JAK2: variants seen among roughly 807,000 people sequenced by gnomAD.
JAK2 encodes the protein Janus kinase 2.
Under a neutral mutation model 139.3 loss-of-function variants are expected in JAK2, and 86 were observed. The observed-to-expected ratio is 0.62, with a 90% CI of 0.52 to 0.74. The LOEUF (loss-of-function observed/expected upper bound fraction) is 0.74, where lower values mean the gene tolerates loss of function less well. Ranked by LOEUF, JAK2 falls within the 30% of genes least tolerant of loss-of-function variation. The probability of loss-of-function intolerance (pLI) is 0.00; values close to 1 mark genes in which losing one functional copy is unlikely to be tolerated. For synonymous variants in JAK2, 490 were observed against 437.7 expected, an observed-to-expected ratio of 1.12 and a Z score of -1.49; for missense variants, 1,421 against 1,360.3, an observed-to-expected ratio of 1.04 and a Z score of -0.70.
chr9:5,028,915 C>T (rs866350407), intron 3 of JAK2, among the ~76,000 whole-genome samples: 13 of 152,204 alleles, frequency 8.5e-5, no homozygotes, highest in African/African-American at 2.9e-4. Flanking sequence ...ACTTTTGTCA[C>T]ATCATCAATA....
Position 5,078,284 on chromosome 9 carries a change from T to C in JAK2, c.1993-22T>C, listed in dbSNP as rs115419882. ...GTACTTGTGGACTGATATTTGAATA[T>C]ATGTGCGTTTAACTCTAATAGGAAG... On this transcript the variant is annotated intron_variant, in intron 15 of 24. Coordinates refer to ENST00000381652, the MANE Select transcript of JAK2 (RefSeq NM_004972.4). The C allele has an allele frequency of 5.7e-5, 91 of 1,601,882 alleles. No homozygotes were observed. The African/African-American group carries it at 1.1e-3, about 19-fold the overall frequency.
Position 5,080,400 on chromosome 9 carries a change from G to C in JAK2, c.2283+20G>C. On this transcript the variant is annotated intron_variant, in intron 17 of 24. Transcript: ENST00000381652. ...CAAAGAGTAAGTTTATATAGACTAAGTTAGAATTACTCTATCTCTGAACTT... is the reference window on the plus strand; with the variant it reads ...CAAAGAGTAAGTTTATATAGACTAACTTAGAATTACTCTATCTCTGAACTT... The C allele has an allele frequency of 1.3e-6, 2 of 1,585,838 alleles. No homozygotes were observed. The highest frequency in any genetic ancestry group is 2.3e-5 in the South Asian group (2 of 86,978).
rs1274751594 is a variant in JAK2, at chr9:5,054,348, T to C, written c.615-215T>C. Reference sequence around the variant, plus strand: ...CATCTTCTTTTGTAAACATTGATGATAACTTAGAGTGTGTGGATATATTTA... The same window carrying C: ...CATCTTCTTTTGTAAACATTGATGACAACTTAGAGTGTGTGGATATATTTA... On this transcript the variant is annotated intron_variant, in intron 6 of 24. Transcript: ENST00000381652. This position sits in a 1 kb window ranked among gnomAD's most constrained non-coding sequence, Gnocchi z 4.9. Among the ~76,000 whole-genome samples, 2 of 152,064 alleles carry C rather than the reference T, an allele frequency of 1.3e-5. No homozygotes were observed. Among genetic ancestry groups the C allele is most frequent in the African/African-American group, 4.8e-5 (2 of 41,450 alleles).
At chr9:5,064,271 T>G (rs2130486031) in intron 8 of JAK2, among the ~76,000 whole-genome samples, 1 of 152,304 alleles carries the variant, frequency 6.6e-6, no homozygotes, top group East Asian at 1.9e-4. Flanking sequence ...GGCTCACGCC[T>G]GTAACCCCAA....
intron 11 of JAK2, among the ~76,000 whole-genome samples, chr9:5,069,573 T>G (rs1818802980): frequency 1.3e-5 from 2 of 152,152 alleles, no homozygotes; most frequent in African/African-American, 4.8e-5. Context: ...AGTTGGAAAT[T>G]CCTTGAAATA....
At chr9:5,006,471 C>T (rs572131720) in intron 2 of JAK2, among the ~76,000 whole-genome samples, 2 of 152,136 alleles carry the variant, frequency 1.3e-5, no homozygotes, top group East Asian at 1.9e-4. Context: ...TCTCATATTG[C>T]TATAAAGAGC....
chr9:4,992,448 CAT>C (rs1473295678), intron 2 of JAK2, among the ~76,000 whole-genome samples: 1 of 152,144 alleles, frequency 6.6e-6, no homozygotes, highest in Non-Finnish European at 1.5e-5. Context: ...AGAAGAAAAA[CAT>C]GTGAGATGGG....
At chr9:5,092,408 A>G (rs1369049924) in intron 22 of JAK2, among the ~76,000 whole-genome samples, 3 of 152,190 alleles carry the variant, frequency 2.0e-5, no homozygotes, top group Admixed American at 2.0e-4. Flanking sequence ...TTGGACAAAC[A>G]AAGTGTCGCT....
At chr9:5,017,384 C>A (rs62541532) in intron 2 of JAK2, among the ~76,000 whole-genome samples, 32,611 of 152,178 alleles carry the variant, frequency 0.21, 4,373 homozygotes, top group South Asian at 0.3. Context: ...AAATTTACTC[C>A]TTAATGCTAA....
chr9:5,065,105 T>C (rs556986057), intron 9 of JAK2, 65 bp downstream of exon 9: 2 of 1,088,284 alleles, frequency 1.8e-6, no homozygotes, highest in Non-Finnish European at 2.5e-6. Flanking sequence ...AAAGAAGATT[T>C]AACAGAGTGA....
intron 2 of JAK2, among the ~76,000 whole-genome samples, chr9:4,994,996 T>C (rs925946519): frequency 6.6e-6 from 1 of 152,172 alleles, no homozygotes; most frequent in Non-Finnish European, 1.5e-5. Flanking sequence ...GAGTTGCTGA[T>C]TCAAAAGTGG....
At chr9:5,114,599 G>A in intron 22 of JAK2, 2 of 490,088 alleles carry the variant, frequency 4.1e-6, no homozygotes, top group Non-Finnish European at 8.0e-6. Flanking sequence ...TGGTGCAGTG[G>A]CTGTACAACG....
At chr9:5,041,707 C>CT (rs1256677514) in intron 4 of JAK2, 5 of 505,044 alleles carry the variant, frequency 9.9e-6, no homozygotes, top group East Asian at 1.1e-4. Flanking sequence ...GTGTTCGACT[C>CT]TGAGTACGAG....
At chr9:5,104,848 A>G (rs1223009993) in intron 22 of JAK2, among the ~76,000 whole-genome samples, 1 of 152,250 alleles carries the variant, frequency 6.6e-6, no homozygotes, top group Non-Finnish European at 1.5e-5. Context: ...GTCTTTGACA[A>G]AATTCTACAG....
Position 5,087,595 on chromosome 9 carries a change from C to T in JAK2, c.2572-2079C>T, listed in dbSNP as rs535125067. The stretch of plus-strand genomic sequence containing the variant: ...TTCCATAAGAAAAATAGAGGCATTC[C>T]GAATTAAAAGTGAGACTGATTTTTG... On this transcript the variant is annotated intron_variant, in intron 19 of 24. Transcript: ENST00000381652. 3.3e-5 allele frequency among the ~76,000 whole-genome samples: 5 copies of T among 152,134 alleles called. No homozygotes were observed. In the South Asian group the frequency reaches 6.2e-4, roughly 19 times the overall value.
In JAK2 at chr9:5,029,796, G is replaced by A; in HGVS notation, c.240G>A (p.Val80=). ...CTTCTTTTCTAGGTATCACACCTGT[G>A]TATCATAATATGTTTGCTTTAATGA... is the stretch of plus-strand genomic sequence containing the variant. ...AASKACGITP[V]YHNMFALMSE... Residue 80 remains valine (V), a synonymous_variant, in exon 4 of 25, where the codon GTG becomes GTA. Coordinates refer to ENST00000381652, the MANE Select transcript of JAK2 (RefSeq NM_004972.4). The A allele has an allele frequency of 6.2e-7, 1 of 1,610,378 alleles. No homozygotes were observed. The highest frequency in any genetic ancestry group is 8.5e-7 in the Non-Finnish European group (1 of 1,177,674).
At position 5,090,534 on chromosome 9, in the gene JAK2, C is replaced by T. The variant is rs77779115; in HGVS notation, c.2850C>T (p.His950=). The part of the protein sequence containing the change: ...YLQKHKERID[H]IKLLQYTSQI... ...AAAAACATAAAGAACGGATAGATCA[C>T]ATAAAACTTCTGCAGTACACATCTC... The change falls in exon 21 of 25, where the codon CAC becomes CAT. Residue 950 remains histidine (H), a synonymous_variant. Coordinates refer to ENST00000381652, the MANE Select transcript of JAK2 (RefSeq NM_004972.4). The T allele has an allele frequency of 1.8e-4, 282 of 1,596,730 alleles. No individual in the cohort carries two copies. The African/African-American group carries it at 3.4e-3, about 19-fold the overall frequency.
At chr9:5,095,164 T>C (rs954376605) in intron 22 of JAK2, 2 of 151,882 alleles carry the variant, frequency 1.3e-5, no homozygotes, top group Non-Finnish European at 2.9e-5. Context: ...CTAAAGTAAG[T>C]TCAGCTAAAT....
At chr9:5,123,985 G>T (rs1435178967) in intron 23 of JAK2, among the ~76,000 whole-genome samples, 1 of 150,098 alleles carries the variant, frequency 6.7e-6, no homozygotes, top group Non-Finnish European at 1.5e-5. Context: ...TTTTTCATAT[G>T]CCTCTTGTCA....
Sources: gnomAD v4.1 joint callset for allele counts (sites outside exome capture counted in the v4.1 genomes callset) on GRCh38, gnomAD v4.1.1 for gene constraint, Gnocchi (gnomAD v3.1) non-coding constraint, MANE v1.5 for transcripts, NCBI Gene and HGNC (gene_info 2026-07-23, HGNC 2026-07-21) for gene names.